Variants in ZBTB8A observed in about 807,000 individuals in gnomAD.
ZBTB8A encodes zinc finger and BTB domain-containing protein 8A.
In ZBTB8A, 19 loss-of-function variants were observed where a neutral mutation model predicts 37.8. That is an observed-to-expected ratio of 0.50 (90% CI 0.35 to 0.74). The LOEUF (loss-of-function observed/expected upper bound fraction) is 0.74. ZBTB8A is among the 30% of genes least tolerant of loss of function. The probability of loss-of-function intolerance (pLI) is 0.01; values close to 1 mark genes in which losing one functional copy is unlikely to be tolerated. For synonymous variants in ZBTB8A, 181 were observed against 185.2 expected (o/e 0.98, Z 0.19); for missense variants, 394 against 537.8 (o/e 0.73, Z 2.65).
At chr1:32,585,036 T>C (rs933590680) in intron 2 of ZBTB8A, among the ~76,000 whole-genome samples, 1 of 147,570 alleles carries the variant, frequency 6.8e-6, no homozygotes, top group Non-Finnish European at 1.5e-5. Flanking sequence ...TCTTTTTTTT[T>C]TTTTTTTTTT....
rs116148953 is a variant in ZBTB8A, at chr1:32,541,430, T to C, written c.-84+1858T>C. Among the ~76,000 whole-genome samples, 1,267 of 152,336 alleles carry C rather than the reference T, an allele frequency of 8.3e-3. 16 individuals are homozygous for C. The highest frequency in any genetic ancestry group is 0.028 in the African/African-American group (1,172 of 41,580). ...CCCCCAGACACCCACATGACTCTCTTACTTCCTTTGGACTTTACCCAAATG... is the reference window on the plus strand; with the variant it reads ...CCCCCAGACACCCACATGACTCTCTCACTTCCTTTGGACTTTACCCAAATG... On this transcript the variant is annotated intron_variant, in intron 1 of 4. Transcript: ENST00000373510.
chr1:32,542,186 G>A (rs774370021), intron 1 of ZBTB8A, among the ~76,000 whole-genome samples: 5 of 152,130 alleles, frequency 3.3e-5, no homozygotes, highest in Non-Finnish European at 5.9e-5. Context: ...TTGCTAAGCA[G>A]GCTAACAAGA....
intron 1 of ZBTB8A, among the ~76,000 whole-genome samples, chr1:32,542,366 G>A (rs372121790): frequency 4.5e-4 from 68 of 152,072 alleles, no homozygotes; most frequent in African/African-American, 1.4e-3. Context: ...ACGAGGTCAG[G>A]AGTTCGAGAC....
intron 4 of ZBTB8A, among the ~76,000 whole-genome samples, chr1:32,598,890 C>T (rs1644552916): frequency 6.6e-6 from 1 of 151,752 alleles, no homozygotes. Context: ...GATGAATGTC[C>T]AGTAGAATTA....
intron 1 of ZBTB8A, among the ~76,000 whole-genome samples, chr1:32,544,434 A>G (rs986657391): frequency 6.6e-6 from 1 of 152,250 alleles, no homozygotes; most frequent in Admixed American, 6.5e-5. Context: ...ACAGTGGCTC[A>G]CGCCTGTAAT....
intron 2 of ZBTB8A, among the ~76,000 whole-genome samples, chr1:32,567,374 C>T (rs999898118): frequency 1.3e-5 from 2 of 152,152 alleles, no homozygotes; most frequent in Non-Finnish European, 2.9e-5. Flanking sequence ...GGGCGGGGGA[C>T]ACAAATCCAA....
At chr1:32,582,367 G>T (rs968999026) in intron 2 of ZBTB8A, among the ~76,000 whole-genome samples, 5 of 152,020 alleles carry the variant, frequency 3.3e-5, no homozygotes, top group African/African-American at 1.2e-4. Flanking sequence ...ACTCAACCTG[G>T]CTGGGTGCAG....
At position 32,595,065 on chromosome 1, in the gene ZBTB8A, CG is replaced by C; in HGVS notation, c.837del (p.Met280CysfsTer12). On this transcript the variant is annotated frameshift_variant, in exon 4 of 5. Coordinates refer to ENST00000373510, the MANE Select transcript of ZBTB8A (RefSeq NM_001040441.3). LOFTEE classifies it high-confidence loss of function. ...GCGTCTCTTGACAGATGATCTGCCT[CG>C]GATGCGATTCAAGTGCCCGTACTGC... is the stretch of plus-strand genomic sequence containing the variant. Reference protein sequence around the residue: ...TSKSFPDDLPRMRFKCPYCTH... With the variant: ...TSKSFPDDLPXMRFKCPYCTH... 1.9e-6 allele frequency: 3 copies of C among 1,613,728 alleles called. No individual in the cohort carries two copies. Among genetic ancestry groups the C allele is most frequent in the Non-Finnish European group, 2.5e-6 (3 of 1,179,878 alleles).
At chr1:32,556,223 G>A (rs986470045) in intron 2 of ZBTB8A, among the ~76,000 whole-genome samples, 4 of 151,902 alleles carry the variant, frequency 2.6e-5, no homozygotes, top group Non-Finnish European at 5.9e-5. Flanking sequence ...ACAGGCGTGC[G>A]CCACTGTGGC....
chr1:32,572,714 T>C (rs1413770091), intron 2 of ZBTB8A, among the ~76,000 whole-genome samples: 1 of 152,158 alleles, frequency 6.6e-6, no homozygotes, highest in Non-Finnish European at 1.5e-5. Flanking sequence ...CTAATTTTGA[T>C]CACTTATATC....
At chr1:32,596,451 C>T (rs1376089215) in intron 4 of ZBTB8A, among the ~76,000 whole-genome samples, 3 of 150,298 alleles carry the variant, frequency 2.0e-5, no homozygotes, top group African/African-American at 7.3e-5. Flanking sequence ...CATGGTAGCG[C>T]ACACCTATAA....
intron 4 of ZBTB8A, among the ~76,000 whole-genome samples, chr1:32,597,680 G>A (rs1331501024): frequency 6.6e-6 from 1 of 152,180 alleles, no homozygotes; most frequent in Non-Finnish European, 1.5e-5. Flanking sequence ...ATTTTGGAGG[G>A]ATGGACATGA....
At chr1:32,594,752 C>T (rs1274772556) in intron 3 of ZBTB8A, among the ~76,000 whole-genome samples, 4 of 145,292 alleles carry the variant, frequency 2.8e-5, no homozygotes, top group East Asian at 2.0e-4. Flanking sequence ...GGCAACAGAG[C>T]GAAACTCTAT....
chr1:32,587,661 A>G (rs1644459517), intron 2 of ZBTB8A, among the ~76,000 whole-genome samples: 2 of 152,036 alleles, frequency 1.3e-5, no homozygotes, highest in African/African-American at 4.8e-5. Context: ...CTATGATATT[A>G]TGAAATATGT....
intron 1 of ZBTB8A, among the ~76,000 whole-genome samples, chr1:32,541,979 C>T (rs181842345): frequency 6.6e-6 from 1 of 152,224 alleles, no homozygotes; most frequent in Admixed American, 6.5e-5. Flanking sequence ...CTTTACAGTG[C>T]GTTTAATGGG....
chr1:32,569,705 C>T (rs539942465), intron 2 of ZBTB8A, among the ~76,000 whole-genome samples: 1 of 151,026 alleles, frequency 6.6e-6, no homozygotes, highest in Non-Finnish European at 1.5e-5. Context: ...TTTTCCTTTC[C>T]TTAATGGTAT....
At chr1:32,543,660 A>G (rs1644076497) in intron 1 of ZBTB8A, among the ~76,000 whole-genome samples, 1 of 152,032 alleles carries the variant, frequency 6.6e-6, no homozygotes, top group African/African-American at 2.4e-5. Context: ...TTTTATGACT[A>G]GTTTCTGTAA....
At chr1:32,565,019 A>C (rs1644268300) in intron 2 of ZBTB8A, among the ~76,000 whole-genome samples, 1 of 152,108 alleles carries the variant, frequency 6.6e-6, no homozygotes, top group Non-Finnish European at 1.5e-5. Context: ...AATTTTTCTT[A>C]CCAAAACCCA....
intron 2 of ZBTB8A, among the ~76,000 whole-genome samples, chr1:32,572,627 C>T (rs755888868): frequency 2.6e-5 from 4 of 152,080 alleles, no homozygotes; most frequent in Non-Finnish European, 5.9e-5. Context: ...AAACTCCTGA[C>T]CTCGGGTAAT....
Sources: allele counts gnomAD v4.1 joint callset (sites outside exome capture counted in the v4.1 genomes callset), GRCh38; gene constraint gnomAD v4.1.1; transcripts MANE v1.5; gene names NCBI Gene and HGNC (gene_info 2026-07-23, HGNC 2026-07-21).